Variants in HCN1 observed in about 807,000 individuals in gnomAD.
The protein encoded by HCN1 is hyperpolarization activated cyclic nucleotide gated potassium channel 1.
A neutral mutation model predicts 78.9 loss-of-function variants in HCN1; 13 were observed. The ratio of observed to expected loss-of-function variants is 0.16; its 90% CI spans 0.11 to 0.26. HCN1 has a LOEUF of 0.26. Among genes scored for constraint, HCN1 ranks in the 10% least tolerant of loss-of-function variants. The pLI is 1.00. For missense variants in HCN1, 810 were observed against 1,154.3 expected (o/e 0.70, Z 4.32); for synonymous variants, 552 against 455.5 (o/e 1.21, Z -2.70).
chr5:45,460,178 T>A (rs1461001950), intron 3 of HCN1, among the ~76,000 whole-genome samples: 1 of 152,136 alleles, frequency 6.6e-6, no homozygotes, highest in Non-Finnish European at 1.5e-5. Flanking sequence ...ATTACAACAA[T>A]GTTGGGAGGT....
intron 4 of HCN1, among the ~76,000 whole-genome samples, chr5:45,385,763 G>A (rs1176322807): frequency 6.6e-6 from 1 of 152,134 alleles, no homozygotes; most frequent in African/African-American, 2.4e-5. Flanking sequence ...CGGTGAATTG[G>A]CAAATAAAAT....
chr5:45,500,267 A>G (rs1742162292), intron 2 of HCN1, among the ~76,000 whole-genome samples: 1 of 152,204 alleles, frequency 6.6e-6, no homozygotes, highest in South Asian at 2.1e-4. Flanking sequence ...CAGGATAAAC[A>G]GAAGGTTATG....
intron 4 of HCN1, among the ~76,000 whole-genome samples, chr5:45,372,847 T>TCGTATTCTATACACAAAAATATGTA (rs1482931558): frequency 5.7e-5 from 8 of 139,634 alleles, no homozygotes; most frequent in Admixed American, 2.2e-4. Context: ...AAAAATATGT[T>TCGTATTCTATACACAAAAATATGTA]CGTATTCTAT....
intron 5 of HCN1, among the ~76,000 whole-genome samples, chr5:45,317,521 A>G (rs1746020299): frequency 6.6e-6 from 1 of 152,204 alleles, no homozygotes; most frequent in Non-Finnish European, 1.5e-5. Flanking sequence ...CTTCATGACT[A>G]AAACACCAAA....
chr5:45,303,715 T>C lies in HCN1; in HGVS notation c.1502A>G (p.Tyr501Cys). Residue 501 changes from tyrosine (Y) to cysteine (C), a missense_variant, in exon 6 of 8, where the codon TAT becomes TGT. Tyr to Cys is a radical substitution (Grantham distance 194). Transcript: ENST00000303230. ...ACCCACGGCTCCTTCTCGTATGATA[T>C]AATCTCCAGGTTGAAACACCTCAAA... ...LRFEVFQPGD[Y>C]IIREGAVGKK... 6.2e-7 allele frequency: 1 copy of C among 1,613,720 alleles called. No individual in the cohort carries two copies. The highest frequency in any genetic ancestry group is 8.5e-7 in the Non-Finnish European group (1 of 1,179,800).
intron 2 of HCN1, among the ~76,000 whole-genome samples, chr5:45,618,327 G>A (rs1032124302): frequency 6.6e-6 from 1 of 152,012 alleles, no homozygotes; most frequent in Admixed American, 6.6e-5. Context: ...GATGTGATAA[G>A]CAGAAGCACA....
At chr5:45,441,087 T>G (rs1740668619) in intron 3 of HCN1, among the ~76,000 whole-genome samples, 2 of 152,196 alleles carry the variant, frequency 1.3e-5, no homozygotes, top group Non-Finnish European at 2.9e-5. Context: ...GTCATCTTTT[T>G]GGGGATGGCA....
chr5:45,524,249 T>C (rs1742679484), intron 2 of HCN1, among the ~76,000 whole-genome samples: 1 of 152,178 alleles, frequency 6.6e-6, no homozygotes, highest in Admixed American at 6.5e-5. Context: ...TACTATGCTG[T>C]TTTGGTTACT....
At chr5:45,486,654 T>TA (rs1741769567) in intron 2 of HCN1, among the ~76,000 whole-genome samples, 1 of 152,096 alleles carries the variant, frequency 6.6e-6, no homozygotes, top group Non-Finnish European at 1.5e-5. Context: ...CAAAGCTACT[T>TA]TAAAATATAA....
intron 4 of HCN1, among the ~76,000 whole-genome samples, chr5:45,386,111 T>A (rs1018916696): frequency 7.2e-5 from 11 of 152,196 alleles, no homozygotes; most frequent in African/African-American, 2.7e-4. Flanking sequence ...GTGGGGACAT[T>A]TCAGTTGCTG....
chr5:45,675,444 G>A (rs1746249167), intron 1 of HCN1, among the ~76,000 whole-genome samples: 1 of 151,648 alleles, frequency 6.6e-6, no homozygotes, highest in Admixed American at 6.6e-5. Context: ...ACATCCAAAA[G>A]CCAAAACCCA....
At chr5:45,482,055 C>T (rs1243446487) in intron 2 of HCN1, among the ~76,000 whole-genome samples, 1 of 152,116 alleles carries the variant, frequency 6.6e-6, no homozygotes. Flanking sequence ...TTTCATTTTC[C>T]TTTCAATTGC....
intron 3 of HCN1, among the ~76,000 whole-genome samples, chr5:45,455,643 C>G (rs181108268): frequency 6.6e-6 from 1 of 151,020 alleles, no homozygotes; most frequent in African/African-American, 2.4e-5. Flanking sequence ...GAGGTAATTC[C>G]GATATGTATG....
At chr5:45,271,548 G>A (rs1744961425) in intron 6 of HCN1, among the ~76,000 whole-genome samples, 1 of 152,058 alleles carries the variant, frequency 6.6e-6, no homozygotes. Context: ...TTATTTATCA[G>A]TGAAAAGTAA....
intron 1 of HCN1, among the ~76,000 whole-genome samples, chr5:45,658,235 A>T (rs1745816951): frequency 6.6e-6 from 1 of 152,236 alleles, no homozygotes; most frequent in African/African-American, 2.4e-5. Flanking sequence ...ACAAAAATTA[A>T]TTCCAGATGG....
intron 5 of HCN1, among the ~76,000 whole-genome samples, chr5:45,336,041 T>C (rs559201228): frequency 6.6e-6 from 1 of 152,000 alleles, no homozygotes; most frequent in Admixed American, 6.6e-5. Context: ...AAAAAGGATT[T>C]AAACTATCCC....
In HCN1 at chr5:45,372,281, A is replaced by T. The variant is rs1213246272; in HGVS notation, c.1231-19035T>A. Among the ~76,000 whole-genome samples, 3 of 86,740 alleles carry T rather than the reference A, an allele frequency of 3.5e-5. 1 individual carries two copies. Among genetic ancestry groups the T allele is most frequent in the East Asian group, 5.8e-4 (2 of 3,426 alleles). The allele number at this position is 86,740 out of a possible 152,430, so 56.9% of individuals were successfully genotyped here. On this transcript the variant is annotated intron_variant, in intron 4 of 7. Coordinates refer to ENST00000303230, the MANE Select transcript of HCN1 (RefSeq NM_021072.4). The stretch of plus-strand genomic sequence containing the variant: ...TATTTATATATATATTTATATATAT[A>T]ATATATATTTCATATATAATATATA...
In HCN1 at chr5:45,336,753, G is replaced by A. The variant is rs534335109; in HGVS notation, c.1377+16347C>T. ...TTGGGAAATCTAAGATCAAGGTGCT[G>A]GCAGACTTTGTCTAGTGAGGGGCCA... is the stretch of plus-strand genomic sequence containing the variant. On this transcript the variant is annotated intron_variant, in intron 5 of 7. Transcript: ENST00000303230. Among the ~76,000 whole-genome samples the A allele has an allele frequency of 2.6e-5, 4 of 152,122 alleles. No homozygotes were observed. The East Asian group carries it at 7.8e-4, about 30-fold the overall frequency.
chr5:45,437,027 T>C lies in HCN1; in HGVS notation c.1011+24819A>G, dbSNP rs138850988. Among the ~76,000 whole-genome samples the C allele has an allele frequency of 3.1e-4, 47 of 152,298 alleles. 1 individual carries two copies. The East Asian group carries it at 7.0e-3, about 23-fold the overall frequency. On this transcript the variant is annotated intron_variant, in intron 3 of 7. Transcript: ENST00000303230. The stretch of plus-strand genomic sequence containing the variant: ...CTCCTTTATGTCAAAACATCCCTAC[T>C]ATAAACCCATGTGTATATGGCAAAT...
Sources: allele counts gnomAD v4.1 joint callset (sites outside exome capture counted in the v4.1 genomes callset), GRCh38; gene constraint gnomAD v4.1.1; transcripts MANE v1.5; gene names NCBI Gene and HGNC (gene_info 2026-07-23, HGNC 2026-07-21).